NFASC: variants seen among roughly 807,000 people sequenced by gnomAD.
NFASC encodes neurofascin.
Under a neutral mutation model 147.5 loss-of-function variants are expected in NFASC, and 43 were observed. That is an observed-to-expected ratio of 0.29 (90% CI 0.23 to 0.38). The LOEUF (loss-of-function observed/expected upper bound fraction) is 0.38. NFASC is among the 10% of genes least tolerant of loss of function. The pLI, the probability that NFASC is intolerant of heterozygous loss-of-function variation, is 1.00. For missense variants in NFASC, 1,320 were observed against 1,689.0 expected (o/e 0.78, Z 3.83); for synonymous variants, 622 against 665.5 (o/e 0.93, Z 1.01).
chr1:204,936,023 AAC>A (rs2092791190), intron 2 of NFASC, among the ~76,000 whole-genome samples: 1 of 152,008 alleles, frequency 6.6e-6, no homozygotes, highest in African/African-American at 2.4e-5. Context: ...CCAGTATAAA[AAC>A]AGTCACTGTT....
chr1:204,971,394 A>T (rs2095251319), intron 11 of NFASC, among the ~76,000 whole-genome samples: 1 of 152,168 alleles, frequency 6.6e-6, no homozygotes, highest in South Asian at 2.1e-4. Flanking sequence ...CTCTGGTTGC[A>T]TTACTTTTCA....
At chr1:204,989,004 G>T in intron 23 of NFASC, 198 bp downstream of exon 23, 1 of 604,520 alleles carries the variant, frequency 1.7e-6, no homozygotes, top group South Asian at 2.0e-5. Context: ...AGCTCTCCTT[G>T]GACCACTGTG....
chr1:204,939,535 C>T (rs1255098266), intron 2 of NFASC, among the ~76,000 whole-genome samples: 2 of 152,240 alleles, frequency 1.3e-5, no homozygotes, highest in African/African-American at 2.4e-5. Context: ...CCCCTCTCCT[C>T]TACTTTCCCT....
chr1:204,977,103 A>C, intron 16 of NFASC: 1 of 1,203,228 alleles, frequency 8.3e-7, no homozygotes, highest in Non-Finnish European at 1.0e-6. Flanking sequence ...TCTTACAGCT[A>C]ACTCCACCAC....
chr1:205,004,253 G>A (rs1216421110), intron 27 of NFASC, among the ~76,000 whole-genome samples: 1 of 152,252 alleles, frequency 6.6e-6, no homozygotes, highest in East Asian at 1.9e-4. Flanking sequence ...TTCTCCAGGT[G>A]CTAAGCCCTA....
chr1:204,994,295 A>C (rs772604007), intron 24 of NFASC, among the ~76,000 whole-genome samples: 2 of 152,226 alleles, frequency 1.3e-5, no homozygotes, highest in Non-Finnish European at 1.5e-5. Context: ...AGTGGCCATC[A>C]GGGGAGGGGA....
At chr1:204,949,236 C>G in intron 3 of NFASC, among the ~76,000 whole-genome samples, 1 of 152,234 alleles carries the variant, frequency 6.6e-6, no homozygotes, top group Non-Finnish European at 1.5e-5. Context: ...CACACTCTGC[C>G]CCTCCTCTGG....
At chr1:205,009,498 C>CT in intron 27 of NFASC, 59 bp from the exon 28 acceptor site, 1 of 1,579,612 alleles carries the variant, frequency 6.3e-7, no homozygotes, top group Non-Finnish European at 8.7e-7. Context: ...CTCCATCTCC[C>CT]TCCTCACCAT....
intron 1 of NFASC, among the ~76,000 whole-genome samples, chr1:204,917,144 G>A (rs1367361122): frequency 6.6e-6 from 1 of 152,164 alleles, no homozygotes; most frequent in Non-Finnish European, 1.5e-5. Context: ...TTAAGTCCAG[G>A]AGGTCAAGGC....
Position 205,015,671 on chromosome 1 carries a change from C to A in NFASC, c.3492-637C>A, listed in dbSNP as rs12097423. Among the ~76,000 whole-genome samples the A allele has an allele frequency of 0.11, 16,895 of 151,928 alleles. 2,449 individuals are homozygous for A. Among genetic ancestry groups the A allele is most frequent in the African/African-American group, 0.34 (13,857 of 41,294 alleles). The stretch of plus-strand genomic sequence containing the variant: ...CATCACCTGCTTACCTGTGTGCCCC[C>A]CCACCACCACCACTCTTGCGCACCT... On this transcript the variant is annotated intron_variant, in intron 29 of 29. Transcript: ENST00000339876. The surrounding 1 kb of genome is among the most constrained non-coding windows in gnomAD (Gnocchi z 4.0).
chr1:204,959,345 C>A (rs528374447), intron 8 of NFASC, among the ~76,000 whole-genome samples: 1 of 152,184 alleles, frequency 6.6e-6, no homozygotes, highest in Non-Finnish European at 1.5e-5. Flanking sequence ...CCAGTTGCTC[C>A]CCCGTCCCTG....
chr1:205,005,010 A>T (rs1438313636), intron 27 of NFASC, among the ~76,000 whole-genome samples: 19 of 152,110 alleles, frequency 1.2e-4, no homozygotes, highest in Non-Finnish European at 1.5e-5. Context: ...AGGCAGGAGG[A>T]TGGTGGAAGC....
chr1:204,904,912 T>TTATAATAATATAATAATATTATTA (rs2085463956), intron 1 of NFASC, among the ~76,000 whole-genome samples: 1 of 152,074 alleles, frequency 6.6e-6, no homozygotes, highest in African/African-American at 2.4e-5. Flanking sequence ...GCTTACTTAT[T>TTATAATAATATAATAATATTATTA]TATAATAATA....
At chr1:204,893,919 C>T (rs896608064) in intron 1 of NFASC, among the ~76,000 whole-genome samples, 1 of 152,212 alleles carries the variant, frequency 6.6e-6, no homozygotes, top group African/African-American at 2.4e-5. Flanking sequence ...TAACAACGCC[C>T]AGATAGCAGA....
chr1:204,985,990 C>T, intron 21 of NFASC: 1 of 1,613,964 alleles, frequency 6.2e-7, no homozygotes, highest in Non-Finnish European at 8.5e-7. Flanking sequence ...TCCCTGGTGA[C>T]CGCCTCCGTG....
chr1:204,902,324 T>C (rs2084811016), intron 1 of NFASC, among the ~76,000 whole-genome samples: 2 of 152,142 alleles, frequency 1.3e-5, no homozygotes, highest in Admixed American at 6.5e-5. Flanking sequence ...GCAGAACTTA[T>C]ATAATAGAAT....
chr1:204,996,470 A>G (rs1196910670), intron 24 of NFASC, among the ~76,000 whole-genome samples: 1 of 152,160 alleles, frequency 6.6e-6, no homozygotes, highest in African/African-American at 2.4e-5. Context: ...ACTTTGGATT[A>G]GGGTGGTTGC....
At chr1:204,997,467 A>T (rs1311864423) in intron 25 of NFASC, 61 bp downstream of exon 25, 1 of 1,538,510 alleles carries the variant, frequency 6.5e-7, no homozygotes, top group Non-Finnish European at 8.8e-7. Context: ...CGGCCTCCAG[A>T]CGAACCCACA....
chr1:204,946,780 CCCCACCATCCCTGGGCTGCCAG>C (rs1401290908), intron 3 of NFASC: 1 of 514,716 alleles, frequency 1.9e-6, no homozygotes, highest in Non-Finnish European at 3.9e-6. Flanking sequence ...TTCCCGAGGC[CCCCACCATCCCTGGGCTGCCAG>C]CCTTCTTTTT....
Sources: gnomAD v4.1 joint callset for allele counts (sites outside exome capture counted in the v4.1 genomes callset) on GRCh38, gnomAD v4.1.1 for gene constraint, Gnocchi (gnomAD v3.1) non-coding constraint, MANE v1.5 for transcripts, NCBI Gene and HGNC (gene_info 2026-07-23, HGNC 2026-07-21) for gene names.